The following WDPCP variants were observed in gnomAD, a reference collection of about 807,000 sequenced individuals.
The protein encoded by WDPCP is WD repeat-containing and planar cell polarity effector protein fritz homolog.
In WDPCP, 71 loss-of-function variants were observed where a neutral mutation model predicts 93.1. The ratio of observed to expected loss-of-function variants is 0.76; its 90% CI spans 0.63 to 0.93. WDPCP has a LOEUF of 0.93. Among genes scored for constraint, WDPCP ranks in the 40% least tolerant of loss-of-function variants. WDPCP has a pLI of 0.00. For missense variants in WDPCP, 844 were observed against 887.4 expected (o/e 0.95, Z 0.62); for synonymous variants, 315 against 315.0 (o/e 1.00, Z 0.00).
intron 9 of WDPCP, among the ~76,000 whole-genome samples, chr2:63,422,913 A>G (rs2105364464): frequency 6.6e-6 from 1 of 152,364 alleles, no homozygotes; most frequent in Middle Eastern, 3.4e-3. Flanking sequence ...CTACATTAAA[A>G]GAGATTTAAG....
chr2:63,785,728 TTC>T, intron 2 of WDPCP, among the ~76,000 whole-genome samples: 1 of 152,300 alleles, frequency 6.6e-6, no homozygotes, highest in South Asian at 2.1e-4. Flanking sequence ...TAGATTCACT[TTC>T]TGTCTCCAAA....
chr2:63,719,182 C>G (rs1669380625), intron 2 of WDPCP, among the ~76,000 whole-genome samples: 1 of 152,178 alleles, frequency 6.6e-6, no homozygotes, highest in African/African-American at 2.4e-5. Flanking sequence ...TGACATTACT[C>G]TCTCAGGCAT....
intron 2 of WDPCP, among the ~76,000 whole-genome samples, chr2:63,809,253 C>T (rs532159541): frequency 0.012 from 1,841 of 151,742 alleles, 17 homozygotes; most frequent in Non-Finnish European, 0.014. Flanking sequence ...TGAGGAGCCC[C>T]TCTGCCCAGC....
chr2:63,824,537 CAAAAAAAAA>C (rs70965144), intron 1 of WDPCP, among the ~76,000 whole-genome samples: 111 of 85,286 alleles, frequency 1.3e-3, no homozygotes, highest in Non-Finnish European at 1.9e-3. Flanking sequence ...GACCATGTTT[CAAAAAAAAA>C]AAAAAAAAAA....
intron 17 of WDPCP, among the ~76,000 whole-genome samples, chr2:63,144,364 C>T (rs981473660): frequency 3.9e-5 from 6 of 152,078 alleles, no homozygotes; most frequent in African/African-American, 1.4e-4. Context: ...CTCAATGCAA[C>T]CTCCACCTCC....
At chr2:63,717,222 GAA>G in intron 2 of WDPCP, 1 of 498,450 alleles carries the variant, frequency 2.0e-6, no homozygotes, top group Admixed American at 2.4e-5. Context: ...CCACGAATTT[GAA>G]AGACATATTG....
intron 1 of WDPCP, among the ~76,000 whole-genome samples, chr2:63,510,104 G>C (rs11680406): frequency 0.8 from 122,286 of 152,158 alleles, 49,813 homozygotes; most frequent in East Asian, 0.98. Context: ...ATCCTCATAC[G>C]AAAACCTGGC....
At chr2:63,319,487 TAGAA>T (rs1686923332) in intron 12 of WDPCP, among the ~76,000 whole-genome samples, 1 of 152,282 alleles carries the variant, frequency 6.6e-6, no homozygotes, top group African/African-American at 2.4e-5. Context: ...TTGAGTAAAT[TAGAA>T]AGAAACAGGA....
chr2:63,511,873 G>A (rs568393801), intron 1 of WDPCP, among the ~76,000 whole-genome samples: 1 of 152,272 alleles, frequency 6.6e-6, no homozygotes, highest in Admixed American at 6.5e-5. Context: ...ACAAGCAATT[G>A]CAACAAAAGT....
At chr2:63,439,670 T>C in intron 7 of WDPCP, 87 bp downstream of exon 7, 1 of 1,154,556 alleles carries the variant, frequency 8.7e-7, no homozygotes. Flanking sequence ...AAGTCCCCAG[T>C]GGTAATAATT....
In WDPCP at chr2:63,793,116, A is replaced by AT. The variant is rs887223321; in HGVS notation, n.308+20505dup. On this transcript the variant is annotated intron_variant and non_coding_transcript_variant, in intron 2 of 4. Transcript: ENST00000467687. ...AAAGTCTTTCAGTTTGAGCTTCTTG[A>AT]TTTTTTTTTTTAGAGACAGGGTCTC... Among the ~76,000 whole-genome samples the AT allele has an allele frequency of 5.2e-3, 760 of 147,122 alleles. 6 individuals are homozygous for AT. Among genetic ancestry groups the AT allele is most frequent in the African/African-American group, 0.015 (625 of 40,426 alleles).
At chr2:63,733,557 T>C (rs1669595403) in intron 2 of WDPCP, among the ~76,000 whole-genome samples, 2 of 152,136 alleles carry the variant, frequency 1.3e-5, no homozygotes, top group South Asian at 2.1e-4. Context: ...TTTCACACAG[T>C]CCAGGCAAAG....
At chr2:63,789,736 G>A (rs2103997506) in intron 2 of WDPCP, among the ~76,000 whole-genome samples, 1 of 152,296 alleles carries the variant, frequency 6.6e-6, no homozygotes, top group African/African-American at 2.4e-5. Flanking sequence ...TCTCCAAAGA[G>A]TATGCAAATT....
At chr2:63,166,601 C>T (rs973086268) in intron 15 of WDPCP, among the ~76,000 whole-genome samples, 16 of 151,370 alleles carry the variant, frequency 1.1e-4, no homozygotes, top group Non-Finnish European at 7.4e-5. Flanking sequence ...CCATATTTGC[C>T]GAGCTGGTCT....
chr2:63,583,979 T>C (rs566234228), intron 1 of WDPCP, among the ~76,000 whole-genome samples: 1 of 152,074 alleles, frequency 6.6e-6, no homozygotes, highest in African/African-American at 2.4e-5. Context: ...CAGAGATATA[T>C]GTATGTCTTA....
At chr2:63,507,060 G>C (rs1701925102) in intron 1 of WDPCP, among the ~76,000 whole-genome samples, 2 of 151,966 alleles carry the variant, frequency 1.3e-5, no homozygotes, top group Non-Finnish European at 2.9e-5. Context: ...ACAAAAAACA[G>C]AGACAATGGA....
At chr2:63,544,942 A>G (rs147180640) in intron 1 of WDPCP, among the ~76,000 whole-genome samples, 73 of 152,296 alleles carry the variant, frequency 4.8e-4, no homozygotes, top group African/African-American at 1.7e-3. Context: ...TTAATCAGGC[A>G]TAAGTGATAA....
chr2:63,616,118 G>A (rs1437149005), intron 3 of WDPCP, among the ~76,000 whole-genome samples: 1 of 152,110 alleles, frequency 6.6e-6, no homozygotes, highest in African/African-American at 2.4e-5. Context: ...CACACATATA[G>A]TACAATAAAT....
intron 12 of WDPCP, among the ~76,000 whole-genome samples, chr2:63,331,210 C>A (rs1227254804): frequency 6.6e-6 from 1 of 152,148 alleles, no homozygotes; most frequent in African/African-American, 2.4e-5. Flanking sequence ...CCATGTAGAA[C>A]AGCTTGGAAA....
Sources: allele counts gnomAD v4.1 joint callset (sites outside exome capture counted in the v4.1 genomes callset), GRCh38; gene constraint gnomAD v4.1.1; transcripts MANE v1.5; gene names NCBI Gene and HGNC (gene_info 2026-07-23, HGNC 2026-07-21).